Variants in EDEM1 observed in about 807,000 individuals in gnomAD.
The protein encoded by EDEM1 is ER degradation enhancing alpha-mannosidase like protein 1, also known as ER degradation-enhancing alpha-mannosidase-like protein 1.
EDEM1 carries 67 observed loss-of-function variants against 74.4 expected under a neutral mutation model. That is an observed-to-expected ratio of 0.90 (90% CI 0.74 to 1.10). EDEM1 has a LOEUF of 1.10. Among genes scored for constraint, EDEM1 ranks in the 50% least tolerant of loss-of-function variants. EDEM1 has a pLI of 0.00. For missense variants in EDEM1, 926 were observed against 851.6 expected (o/e 1.09, Z -1.09); for synonymous variants, 382 against 335.9 (o/e 1.14, Z -1.50).
At chr3:5,197,784 A>G (rs1455384940) in intron 2 of EDEM1, among the ~76,000 whole-genome samples, 2 of 152,254 alleles carry the variant, frequency 1.3e-5, no homozygotes, top group African/African-American at 4.8e-5. Flanking sequence ...GCATTATTGC[A>G]TCATCTTCTA....
chr3:5,207,849 C>G (rs2055117305), intron 7 of EDEM1, among the ~76,000 whole-genome samples: 1 of 152,170 alleles, frequency 6.6e-6, no homozygotes, highest in Non-Finnish European at 1.5e-5. Context: ...TTGTTTATTC[C>G]TTGTTCATGA....
At chr3:5,210,075 C>G in intron 8 of EDEM1, 100 bp from the exon 9 acceptor site, 1 of 1,009,572 alleles carries the variant, frequency 9.9e-7, no homozygotes, top group Non-Finnish European at 1.6e-6. Flanking sequence ...CTTTGGCTGG[C>G]GACTCGTCTC....
In EDEM1 at chr3:5,210,178, A is replaced by G. The variant is rs2055151180; in HGVS notation, c.1513A>G (p.Thr505Ala). 2 of 1,614,172 alleles carry G rather than the reference A, an allele frequency of 1.2e-6. No individual in the cohort carries two copies. The highest frequency in any genetic ancestry group is 1.7e-6 in the Non-Finnish European group (2 of 1,179,970). Residue 505 changes from threonine (T) to alanine (A), a missense_variant, in exon 9 of 12, where the codon ACC becomes GCC. Thr to Ala is a moderately conservative substitution (Grantham distance 58). Coordinates refer to ENST00000256497, the MANE Select transcript of EDEM1 (RefSeq NM_014674.3). ...VESTYLLYQA[T>A]KNPFYLHVGM... ...CATTCTCTCGTGTTCTCTCTAGGCA[A>G]CCAAGAATCCCTTCTACCTCCATGT... is the stretch of plus-strand genomic sequence containing the variant.
intron 7 of EDEM1, 84 bp from the exon 8 acceptor site, chr3:5,208,009 G>T: frequency 6.8e-7 from 1 of 1,462,604 alleles, no homozygotes. Context: ...CGGGGGCAGA[G>T]GAGAGCCCAG....
chr3:5,199,631 T>C lies in EDEM1; in HGVS notation c.622T>C (p.Leu208=). The part of the protein sequence containing the change: ...NSSEFQKAVK[L]VINTVSFDKD... The stretch of plus-strand genomic sequence containing the variant: ...ATCCGAGTTCCAGAAAGCCGTCAAG[T>C]TAGTGATCAACACAGTTTCATTTGA... Residue 208 remains leucine (L), a synonymous_variant, in exon 3 of 12, where the codon TTA becomes CTA. Transcript: ENST00000256497. 1 of 1,613,874 alleles carries C rather than the reference T, an allele frequency of 6.2e-7. No individual in the cohort carries two copies. The highest frequency in any genetic ancestry group is 8.5e-7 in the Non-Finnish European group (1 of 1,179,888).
In EDEM1 at chr3:5,216,893, A is replaced by G. The variant is rs928564734; in HGVS notation, c.*975A>G. ...TAAGCAAGGATTCTCACTTCTGACC[A>G]TATTTGGGTTAGAGTTCTGTTTTGT... On this transcript the variant is annotated 3_prime_UTR_variant, in exon 12 of 12. Coordinates refer to ENST00000256497, the MANE Select transcript of EDEM1 (RefSeq NM_014674.3). The G allele has an allele frequency of 6.6e-6, 1 of 152,634 alleles. No homozygotes were observed. Among genetic ancestry groups the G allele is most frequent in the Non-Finnish European group, 1.5e-5 (1 of 68,040 alleles). The allele number at this position is 152,634 out of a possible 1,614,324, so 9.5% of individuals were successfully genotyped here. A position where few individuals can be genotyped will look rare whatever the true frequency, so the allele number is the denominator to read the frequency against.
At chr3:5,203,588 G>C (rs1260332607) in intron 5 of EDEM1, among the ~76,000 whole-genome samples, 1 of 152,120 alleles carries the variant, frequency 6.6e-6, no homozygotes, top group Non-Finnish European at 1.5e-5. Context: ...TTTCCCTTTA[G>C]AATGTTTGGT....
intron 8 of EDEM1, among the ~76,000 whole-genome samples, chr3:5,209,229 A>G (rs991996428): frequency 6.6e-6 from 1 of 152,230 alleles, no homozygotes; most frequent in African/African-American, 2.4e-5. Flanking sequence ...ATGCCTAAAA[A>G]GGGACTTCAT....
At position 5,213,491 on chromosome 3, in the gene EDEM1, A is replaced by C; in HGVS notation, c.1853A>C (p.His618Pro). ...GGKSVHRPKP[H>P]ELKVINSSSN... Reference sequence around the variant, plus strand: ...AAGTCTGTGCACAGGCCGAAACCTCATGAGTTAAAAGTCATCAACTCCAGC... The same window carrying C: ...AAGTCTGTGCACAGGCCGAAACCTCCTGAGTTAAAAGTCATCAACTCCAGC... Residue 618 changes from histidine to proline, a missense_variant, in exon 11 of 12, where the codon CAT becomes CCT. Transcript: ENST00000256497. The C allele has an allele frequency of 1.2e-6, 2 of 1,613,188 alleles. No homozygotes were observed. The highest frequency in any genetic ancestry group is 1.7e-6 in the Non-Finnish European group (2 of 1,179,382).
At chr3:5,197,569 C>T (rs1418505691) in intron 2 of EDEM1, among the ~76,000 whole-genome samples, 3 of 152,322 alleles carry the variant, frequency 2.0e-5, no homozygotes, top group East Asian at 3.9e-4. Context: ...GATATTGTTG[C>T]TGGTAAACAT....
intron 11 of EDEM1, among the ~76,000 whole-genome samples, chr3:5,214,925 A>G (rs1422856507): frequency 6.6e-6 from 1 of 152,176 alleles, no homozygotes; most frequent in East Asian, 1.9e-4. Context: ...CTGTTGAAAC[A>G]CAGAGGGTAG....
At chr3:5,210,064 C>T in intron 8 of EDEM1, 111 bp from the exon 9 acceptor site, 1 of 896,410 alleles carries the variant, frequency 1.1e-6, no homozygotes, top group Non-Finnish European at 1.8e-6. Flanking sequence ...CCTGTTTCTT[C>T]CTTTGGCTGG....
chr3:5,202,850 A>T (rs956673552), intron 4 of EDEM1, 116 bp from the exon 5 acceptor site: 1 of 816,764 alleles, frequency 1.2e-6, no homozygotes, highest in Non-Finnish European at 1.9e-6. Context: ...GGCAGAGGGC[A>T]GACTCTCACC....
At chr3:5,204,355 A>C (rs1358832546) in intron 5 of EDEM1, among the ~76,000 whole-genome samples, 1 of 151,902 alleles carries the variant, frequency 6.6e-6, no homozygotes, top group African/African-American at 2.4e-5. Flanking sequence ...TATTAAAAAA[A>C]ATTATCTTTT....
Position 5,188,098 on chromosome 3 carries a change from C to A in EDEM1, c.293C>A (p.Ala98Asp). The A allele has an allele frequency of 6.6e-7, 1 of 1,508,180 alleles. No individual in the cohort carries two copies. Among genetic ancestry groups the A allele is most frequent in the Admixed American group, 2.2e-5 (1 of 46,114 alleles). 93.4% of individuals were successfully genotyped at this position (1,508,180 alleles called of 1,614,324 possible). A position where few individuals can be genotyped will look rare whatever the true frequency, so the allele number is the denominator to read the frequency against. The change falls in exon 1 of 12, where the codon GCC becomes GAC. Residue 98 changes from alanine to aspartate, a missense_variant. Physicochemically the swap from Ala to Asp is moderately radical, Grantham distance 126. Transcript: ENST00000256497. ...CCTGGGCCGGGGATGTGCGGCCCAG[C>A]CAACTGGGGCTACGTGCTGGGCGGC... ...RRPGPGMCGP[A>D]NWGYVLGGRG...
In EDEM1 at chr3:5,205,265, T is replaced by C. The variant is rs1320423306; in HGVS notation, c.1217+24T>C. 6 of 1,598,770 alleles carry C rather than the reference T, an allele frequency of 3.8e-6. No individual in the cohort carries two copies. In the African/African-American group the frequency reaches 8.1e-5, roughly 22 times the overall value. On this transcript the variant is annotated intron_variant, in intron 6 of 11. Transcript: ENST00000256497. ...GGGTATGTCTCCCTAACATCTCCTC[T>C]GTTGCCTTGTAAAGCAAATAGAATG...
intron 1 of EDEM1, among the ~76,000 whole-genome samples, chr3:5,193,041 A>G (rs341974): frequency 0.95 from 144,616 of 152,198 alleles, 68,809 homozygotes; most frequent in Non-Finnish European, 0.98. Context: ...AATAAAACAT[A>G]GAAAGGAGTT....
chr3:5,190,475 C>T (rs2054888265), intron 1 of EDEM1, among the ~76,000 whole-genome samples: 1 of 152,144 alleles, frequency 6.6e-6, no homozygotes, highest in Non-Finnish European at 1.5e-5. Context: ...CTTAAGAATC[C>T]CTTCCCAGCA....
chr3:5,197,283 T>C (rs1343931697), intron 2 of EDEM1, among the ~76,000 whole-genome samples: 1 of 152,170 alleles, frequency 6.6e-6, no homozygotes, highest in Non-Finnish European at 1.5e-5. Flanking sequence ...CTAAATGAAC[T>C]TGAGAAATTC....
Sources: allele counts gnomAD v4.1 joint callset (sites outside exome capture counted in the v4.1 genomes callset), GRCh38; gene constraint gnomAD v4.1.1; transcripts MANE v1.5; gene names NCBI Gene and HGNC (gene_info 2026-07-23, HGNC 2026-07-21).